USP14: variants seen among roughly 807,000 people sequenced by gnomAD.
USP14 encodes the protein ubiquitin carboxyl-terminal hydrolase 14.
USP14 carries 38 observed loss-of-function variants against 76.5 expected under a neutral mutation model. The observed-to-expected ratio is 0.50, with a 90% confidence interval of 0.38 to 0.65. The LOEUF (loss-of-function observed/expected upper bound fraction) is 0.65. Among genes scored for constraint, USP14 ranks in the 30% least tolerant of loss-of-function variants. The pLI is 0.00. For missense variants in USP14, 467 were observed against 586.5 expected (o/e 0.80, Z 2.10); for synonymous variants, 192 against 191.7 (o/e 1.00, Z -0.01).
intron 2 of USP14, among the ~76,000 whole-genome samples, chr18:165,992 A>G (rs1181702985): frequency 7.8e-6 from 1 of 128,300 alleles, no homozygotes; most frequent in Non-Finnish European, 1.7e-5. Context: ...ACTCTGGACT[A>G]ATCATGCATT....
chr18:201,518 C>A, intron 10 of USP14, among the ~76,000 whole-genome samples: 1 of 152,190 alleles, frequency 6.6e-6, no homozygotes, highest in Non-Finnish European at 1.5e-5. Flanking sequence ...CACGCTCTGT[C>A]TTATGATACC....
intron 5 of USP14, among the ~76,000 whole-genome samples, chr18:186,448 C>T (rs541921922): frequency 2.2e-4 from 33 of 146,948 alleles, no homozygotes; most frequent in African/African-American, 8.3e-4. Context: ...GCAATGAGAC[C>T]CTGCCTCTTA....
At chr18:173,909 C>CA (rs1418602207) in intron 3 of USP14, among the ~76,000 whole-genome samples, 1 of 152,158 alleles carries the variant, frequency 6.6e-6, no homozygotes, top group African/African-American at 2.4e-5. Context: ...TGTTTTCTTC[C>CA]ATTGATTTTT....
chr18:173,346 C>T (rs557869888), intron 3 of USP14, among the ~76,000 whole-genome samples: 7 of 151,622 alleles, frequency 4.6e-5, no homozygotes, highest in East Asian at 2.0e-4. Flanking sequence ...CTCCTGACCT[C>T]GTGATCAGCC....
At chr18:187,910 G>T (rs1015004240) in intron 5 of USP14, among the ~76,000 whole-genome samples, 5 of 152,252 alleles carry the variant, frequency 3.3e-5, no homozygotes, top group African/African-American at 9.6e-5. Context: ...ATATATTTAT[G>T]AGGAAATAAG....
chr18:159,981 A>G (rs1022052687), intron 1 of USP14, among the ~76,000 whole-genome samples: 1 of 152,242 alleles, frequency 6.6e-6, no homozygotes, highest in African/African-American at 2.4e-5. Context: ...GAACATTTTA[A>G]GTACTATTTC....
intron 13 of USP14, among the ~76,000 whole-genome samples, chr18:207,376 T>C (rs933798990): frequency 1.4e-5 from 2 of 145,130 alleles, no homozygotes; most frequent in Non-Finnish European, 3.1e-5. Context: ...TTACACGGAA[T>C]CTGTGGATCA....
intron 3 of USP14, among the ~76,000 whole-genome samples, chr18:176,287 T>C (rs1568418471): frequency 2.0e-5 from 3 of 152,174 alleles, no homozygotes; most frequent in Non-Finnish European, 4.4e-5. Flanking sequence ...TTTTGTTGAA[T>C]GAAGTGCTGA....
chr18:178,815 C>CT, intron 3 of USP14, 118 bp from the exon 4 acceptor site: 1 of 692,166 alleles, frequency 1.4e-6, no homozygotes, highest in Non-Finnish European at 2.4e-6. Context: ...TGCAGATTTA[C>CT]TTTTTTTGGC....
At chr18:207,401 C>T (rs889662480) in intron 13 of USP14, among the ~76,000 whole-genome samples, 1 of 145,086 alleles carries the variant, frequency 6.9e-6, no homozygotes, top group African/African-American at 2.5e-5. Context: ...AAAAGTATTA[C>T]TATCTTAATA....
intron 3 of USP14, among the ~76,000 whole-genome samples, chr18:170,512 A>G (rs1340219320): frequency 6.6e-6 from 1 of 152,200 alleles, no homozygotes; most frequent in Non-Finnish European, 1.5e-5. Context: ...TCCAGTTTTC[A>G]AAGGAAATTT....
intron 3 of USP14, among the ~76,000 whole-genome samples, chr18:171,258 G>A (rs1328421572): frequency 6.6e-6 from 1 of 151,860 alleles, no homozygotes. Flanking sequence ...ATTGGAAAAA[G>A]ATGCTGTCTA....
chr18:203,229 C>G, intron 12 of USP14, 39 bp downstream of exon 12: 1 of 1,552,936 alleles, frequency 6.4e-7, no homozygotes, highest in Non-Finnish European at 8.8e-7. Flanking sequence ...AAATGTAATT[C>G]TTTGAAGGTA....
In USP14 at chr18:166,641, T is replaced by A. The variant is rs1057466723; in HGVS notation, c.163-146T>A. On this transcript the variant is annotated intron_variant, in intron 2 of 15. Transcript: ENST00000261601. Reference sequence around the variant, plus strand: ...AGCCACTGTGCCTGGCCAAAAAAAATTTTTTTAATTGCCATAATTTTAAAT... The same window carrying A: ...AGCCACTGTGCCTGGCCAAAAAAAAATTTTTTAATTGCCATAATTTTAAAT... 2.1e-5 allele frequency: 21 copies of A among 998,828 alleles called. No homozygotes were observed. The African/African-American group carries it at 2.6e-4, about 13-fold the overall frequency. 61.9% of individuals were successfully genotyped at this position (998,828 alleles called of 1,614,324 possible). A position where few individuals can be genotyped will look rare whatever the true frequency, so the allele number is the denominator to read the frequency against.
chr18:169,419 T>G (rs1004766627), intron 3 of USP14, among the ~76,000 whole-genome samples: 1 of 151,838 alleles, frequency 6.6e-6, no homozygotes, highest in Non-Finnish European at 1.5e-5. Flanking sequence ...TCACTACAAC[T>G]TAAAATTATG....
chr18:211,333 TG>T lies in USP14; in HGVS notation c.*50del, dbSNP rs1567838259. The T allele has an allele frequency of 1.3e-6, 2 of 1,555,574 alleles. No homozygotes were observed. Among genetic ancestry groups the T allele is most frequent in the Non-Finnish European group, 1.7e-6 (2 of 1,143,928 alleles). On this transcript the variant is annotated 3_prime_UTR_variant, in exon 16 of 16. Coordinates refer to ENST00000261601, the MANE Select transcript of USP14 (RefSeq NM_005151.4). ...AGATGTGAAAATAAATGTTATTTGT[TG>T]ATCATTTCTATAATCCAGAGCTTTA...
At chr18:160,155 T>C (rs563581220) in intron 1 of USP14, among the ~76,000 whole-genome samples, 4 of 152,048 alleles carry the variant, frequency 2.6e-5, no homozygotes, top group South Asian at 2.1e-4. Context: ...ATACAAAAAA[T>C]CAGTCGAGAG....
At position 210,345 on chromosome 18, in the gene USP14, TA is replaced by T. The variant is rs769938154; in HGVS notation, c.1226-40del. ...TACTTAGCTTGAGAAGGCACATGTCTATTCATTGTCTAATATTAATGGATTT... is the reference window on the plus strand; with the variant it reads ...TACTTAGCTTGAGAAGGCACATGTCTTTCATTGTCTAATATTAATGGATTT... On this transcript the variant is annotated intron_variant, in intron 14 of 15. Transcript: ENST00000261601. 46 of 1,404,598 alleles carry T rather than the reference TA, an allele frequency of 3.3e-5. 1 individual carries two copies. The South Asian group carries it at 5.4e-4, about 17-fold the overall frequency. 87.0% of individuals were successfully genotyped at this position (1,404,598 alleles called of 1,614,324 possible).
At chr18:185,968 C>T (rs1909918316) in intron 5 of USP14, among the ~76,000 whole-genome samples, 1 of 151,426 alleles carries the variant, frequency 6.6e-6, no homozygotes. Context: ...TGCCAAAATA[C>T]TGGGATTACA....
Sources: allele counts gnomAD v4.1 joint callset (sites outside exome capture counted in the v4.1 genomes callset), GRCh38; gene constraint gnomAD v4.1.1; transcripts MANE v1.5; gene names NCBI Gene and HGNC (gene_info 2026-07-23, HGNC 2026-07-21).